The following MYO7B variants were observed in gnomAD, a reference collection of about 807,000 sequenced individuals.
MYO7B encodes unconventional myosin-VIIb.
Under a neutral mutation model 259.7 loss-of-function variants are expected in MYO7B, and 212 were observed. The ratio of observed to expected loss-of-function variants is 0.82; its 90% CI spans 0.73 to 0.91. The LOEUF (loss-of-function observed/expected upper bound fraction) is 0.91, where lower values mean the gene tolerates loss of function less well. MYO7B is among the 40% of genes least tolerant of loss of function. MYO7B has a pLI of 0.00. For synonymous variants in MYO7B, 1,197 were observed against 1,166.4 expected (o/e 1.03, Z -0.54); for missense variants, 2,732 against 2,813.5 (o/e 0.97, Z 0.66).
rs576536661 is a variant in MYO7B, at chr2:127,623,950, G to A, written c.3820-143G>A. The A allele has an allele frequency of 4.3e-6, 3 of 691,338 alleles. No individual in the cohort carries two copies. In the South Asian group the frequency reaches 5.7e-5, roughly 13 times the overall value. 42.8% of individuals were successfully genotyped at this position (691,338 alleles called of 1,614,324 possible). ...GGAGAAGCCCTTCAGGTGTCCACAC[G>A]GGCTCAGCAGTGTCCACTCAGCCCA... On this transcript the variant is annotated intron_variant, in intron 29 of 47. Transcript: ENST00000409816.
chr2:127,587,173 C>G (rs993840260), intron 14 of MYO7B, among the ~76,000 whole-genome samples: 1 of 152,274 alleles, frequency 6.6e-6, no homozygotes, highest in Non-Finnish European at 1.5e-5. Context: ...CCTTAGAGAC[C>G]AAGCAGTGCA....
At chr2:127,573,891 C>T in intron 6 of MYO7B, 29 bp from the exon 7 acceptor site, 4 of 1,613,756 alleles carry the variant, frequency 2.5e-6, no homozygotes, top group Non-Finnish European at 3.4e-6. Context: ...TCTCTGCTCC[C>T]ATCATGGGCA....
In MYO7B at chr2:127,622,836, A is replaced by C. The variant is rs1680906482; in HGVS notation, c.3646-366A>C. The stretch of plus-strand genomic sequence containing the variant: ...AAATGTTCCCGAGTCCTGGACTCAG[A>C]TTCCCAAGAGCTCCTGGTCTTCTGT... On this transcript the variant is annotated intron_variant, in intron 28 of 47. Coordinates refer to ENST00000409816, the MANE Select transcript of MYO7B (RefSeq NM_001393586.1). Among the ~76,000 whole-genome samples the C allele has an allele frequency of 2.0e-5, 3 of 152,216 alleles. No individual in the cohort carries two copies. The South Asian group carries it at 6.2e-4, about 31-fold the overall frequency.
At chr2:127,583,740 G>C (rs1282872615) in intron 12 of MYO7B, among the ~76,000 whole-genome samples, 1 of 152,196 alleles carries the variant, frequency 6.6e-6, no homozygotes, top group African/African-American at 2.4e-5. Flanking sequence ...CTGGAAGCTT[G>C]TCTCAATACC....
At chr2:127,632,611 C>T (rs1434012456) in intron 39 of MYO7B, among the ~76,000 whole-genome samples, 1 of 152,160 alleles carries the variant, frequency 6.6e-6, no homozygotes, top group Non-Finnish European at 1.5e-5. Flanking sequence ...TCAGTCATAG[C>T]CACCAGCTCC....
At chr2:127,547,171 T>C (rs1319444854) in intron 1 of MYO7B, among the ~76,000 whole-genome samples, 1 of 152,110 alleles carries the variant, frequency 6.6e-6, no homozygotes, top group Non-Finnish European at 1.5e-5. Context: ...CATCCACTCA[T>C]CCCATTCATC....
intron 10 of MYO7B, 43 bp from the exon 11 acceptor site, chr2:127,581,848 C>A: frequency 1.2e-6 from 2 of 1,610,604 alleles, no homozygotes; most frequent in Non-Finnish European, 8.5e-7. Context: ...CTGGGCCAGG[C>A]CCTGCTCCAC....
At position 127,637,512 on chromosome 2, in the gene MYO7B, G is replaced by A. The variant is rs966975835; in HGVS notation, c.*95G>A. ...TCTCAACCCAGGGCCTGTCCTTGGC[G>A]GGCAGCCTTCCATGCTGCCCCCCAT... On this transcript the variant is annotated 3_prime_UTR_variant, in exon 48 of 48. Transcript: ENST00000409816. 1.1e-5 allele frequency: 11 copies of A among 978,816 alleles called. No individual in the cohort carries two copies. Among genetic ancestry groups the A allele is most frequent in the African/African-American group, 8.2e-5 (5 of 60,928 alleles). 60.6% of individuals were successfully genotyped at this position (978,816 alleles called of 1,614,324 possible). A position where few individuals can be genotyped will look rare whatever the true frequency, so the allele number is the denominator to read the frequency against.
In MYO7B at chr2:127,615,393, G is replaced by T. The variant is rs1480319336; in HGVS notation, c.3398+2790G>T. On this transcript the variant is annotated intron_variant, in intron 26 of 47. Coordinates refer to ENST00000409816, the MANE Select transcript of MYO7B (RefSeq NM_001393586.1). The surrounding 1 kb of genome is among the most constrained non-coding windows in gnomAD (Gnocchi z 4.4). ...GTAGAAATGAAAACTGAAGACAAAA[G>T]AAACTTTTAAAGGAAGGGGTCAGGG... 6.6e-6 allele frequency among the ~76,000 whole-genome samples: 1 copy of T among 152,118 alleles called. No individual in the cohort carries two copies. Among genetic ancestry groups the T allele is most frequent in the Non-Finnish European group, 1.5e-5 (1 of 68,022 alleles).
In MYO7B at chr2:127,597,176, G is replaced by A. The variant is rs983327134; in HGVS notation, c.2339+620G>A. Reference sequence around the variant, plus strand: ...CTGGGAAGCCGGAGGCCATCTCAGGGCCAGACCCTGGTGCTGCTGATCTCA... The same window carrying A: ...CTGGGAAGCCGGAGGCCATCTCAGGACCAGACCCTGGTGCTGCTGATCTCA... On this transcript the variant is annotated intron_variant, in intron 19 of 47. Transcript: ENST00000409816. This position sits in a 1 kb window ranked among gnomAD's most constrained non-coding sequence, Gnocchi z 4.8. Among the ~76,000 whole-genome samples the A allele has an allele frequency of 1.3e-5, 2 of 152,372 alleles. No individual in the cohort carries two copies. The highest frequency in any genetic ancestry group is 2.9e-5 in the Non-Finnish European group (2 of 68,038).
chr2:127,577,450 G>A lies in MYO7B; in HGVS notation c.850-683G>A, dbSNP rs764673153. Reference sequence around the variant, plus strand: ...ATGGCACTGCTGCAGTGACCCCTGCGGCTTGTAGGGTAGAAGTCCAAACTC... The same window carrying A: ...ATGGCACTGCTGCAGTGACCCCTGCAGCTTGTAGGGTAGAAGTCCAAACTC... On this transcript the variant is annotated intron_variant, in intron 8 of 47. Transcript: ENST00000409816. This position sits in a 1 kb window ranked among gnomAD's most constrained non-coding sequence, Gnocchi z 5.2. Among the ~76,000 whole-genome samples the A allele has an allele frequency of 2.6e-4, 40 of 152,228 alleles. No individual in the cohort carries two copies. Among genetic ancestry groups the A allele is most frequent in the African/African-American group, 9.4e-4 (39 of 41,530 alleles).
In MYO7B at chr2:127,559,686, C is replaced by T. The variant is rs1209759316; in HGVS notation, c.-23-14C>T. 2 of 1,613,788 alleles carry T rather than the reference C, an allele frequency of 1.2e-6. No homozygotes were observed. The highest frequency in any genetic ancestry group is 1.7e-6 in the Non-Finnish European group (2 of 1,179,690). The stretch of plus-strand genomic sequence containing the variant: ...GTGTATGGAGCTGACGTTCTGCTTT[C>T]TCTCTCCATACAGGCTTGTGGAACT... On this transcript the variant is annotated splice_polypyrimidine_tract_variant and intron_variant, in intron 1 of 47. Transcript: ENST00000409816. This position sits in a 1 kb window ranked among gnomAD's most constrained non-coding sequence, Gnocchi z 4.1.
At chr2:127,580,284 C>T (rs953471121) in intron 9 of MYO7B, among the ~76,000 whole-genome samples, 9 of 152,170 alleles carry the variant, frequency 5.9e-5, no homozygotes, top group East Asian at 1.9e-4. Flanking sequence ...AGTCAGGAGA[C>T]GGTTGCAATA....
Position 127,603,871 on chromosome 2 carries a change from T to C in MYO7B, c.2340-1973T>C, listed in dbSNP as rs113501188. 8.7e-3 allele frequency among the ~76,000 whole-genome samples: 1,321 copies of C among 152,328 alleles called. 5 individuals are homozygous for C. Among genetic ancestry groups the C allele is most frequent in the African/African-American group, 0.011 (447 of 41,580 alleles). Reference sequence around the variant, plus strand: ...TCTGTTGGCCAGGTGTGGTGGCTCATGCCTGTAATCCCAGCACTTTGGGAG... The same window carrying C: ...TCTGTTGGCCAGGTGTGGTGGCTCACGCCTGTAATCCCAGCACTTTGGGAG... On this transcript the variant is annotated intron_variant, in intron 19 of 47. Coordinates refer to ENST00000409816, the MANE Select transcript of MYO7B (RefSeq NM_001393586.1).
chr2:127,632,245 G>A lies in MYO7B; in HGVS notation c.5250-1G>A. 1 of 1,611,534 alleles carries A rather than the reference G, an allele frequency of 6.2e-7. No homozygotes were observed. The highest frequency in any genetic ancestry group is 8.5e-7 in the Non-Finnish European group (1 of 1,179,388). On this transcript the variant is annotated splice_acceptor_variant, in intron 38 of 47. Coordinates refer to ENST00000409816, the MANE Select transcript of MYO7B (RefSeq NM_001393586.1). LOFTEE classifies it high-confidence loss of function. ...CCCGGCTGACAAGTGCTACCCTTCA[G>A]GCACAGCGAAGAGCGGGGCTGGCAG... is the stretch of plus-strand genomic sequence containing the variant.
intron 21 of MYO7B, among the ~76,000 whole-genome samples, chr2:127,608,098 C>T (rs1389231137): frequency 1.3e-5 from 2 of 152,178 alleles, no homozygotes; most frequent in Non-Finnish European, 2.9e-5. Flanking sequence ...CGAGACTCAA[C>T]CTTCACACTT....
chr2:127,557,288 T>C (rs879699732), intron 1 of MYO7B, among the ~76,000 whole-genome samples: 2 of 152,088 alleles, frequency 1.3e-5, no homozygotes, highest in Non-Finnish European at 2.9e-5. Flanking sequence ...TCAATGAAGA[T>C]TTCTCCCCTC....
intron 6 of MYO7B, 120 bp downstream of exon 6, chr2:127,570,030 G>A (rs1002939833): frequency 2.4e-6 from 3 of 1,267,402 alleles, no homozygotes; most frequent in African/African-American, 1.5e-5. Context: ...CCAGACCCTT[G>A]GGACACAAAA....
Position 127,636,123 on chromosome 2 carries a change from C to T in MYO7B, c.6007-85C>T. On this transcript the variant is annotated intron_variant, in intron 44 of 47. Transcript: ENST00000409816. The surrounding 1 kb of genome is among the most constrained non-coding windows in gnomAD (Gnocchi z 4.5). ...TCCCCTCCCCTCCCCACCGTACTAG[C>T]CCTGGGGTAGGCAGGTGCTGCCCCC... 2.4e-6 allele frequency: 3 copies of T among 1,231,868 alleles called. No individual in the cohort carries two copies. In the Admixed American group the frequency reaches 5.7e-5, roughly 23 times the overall value. 76.3% of individuals were successfully genotyped at this position (1,231,868 alleles called of 1,614,324 possible). A position where few individuals can be genotyped will look rare whatever the true frequency, so the allele number is the denominator to read the frequency against.
Sources: gnomAD v4.1 joint callset for allele counts (sites outside exome capture counted in the v4.1 genomes callset) on GRCh38, gnomAD v4.1.1 for gene constraint, Gnocchi (gnomAD v3.1) non-coding constraint, MANE v1.5 for transcripts, NCBI Gene and HGNC (gene_info 2026-07-23, HGNC 2026-07-21) for gene names.